SCHIP1: variants seen among roughly 807,000 people sequenced by gnomAD.
SCHIP1 encodes the protein schwannomin interacting protein 1, also known as schwannomin-interacting protein 1.
Under a neutral mutation model 29.7 loss-of-function variants are expected in SCHIP1, and 8 were observed. The ratio of observed to expected loss-of-function variants is 0.27; its 90% CI spans 0.16 to 0.49. The LOEUF is 0.49. Among genes scored for constraint, SCHIP1 ranks in the 20% least tolerant of loss-of-function variants. The pLI is 0.99. For missense variants in SCHIP1, 193 were observed against 294.6 expected (o/e 0.66, Z 2.52); for synonymous variants, 76 against 94.9 (o/e 0.80, Z 1.16).
chr3:159,501,245 G>GT, the SCHIP1 span, among the ~76,000 whole-genome samples: 4 of 152,148 alleles, frequency 2.6e-5, no homozygotes, highest in East Asian at 7.7e-4. Flanking sequence ...CAGCTTATTG[G>GT]TCCCCAGTTG....
chr3:159,687,932 AT>A, the SCHIP1 span, among the ~76,000 whole-genome samples: 1 of 152,178 alleles, frequency 6.6e-6, no homozygotes, highest in Non-Finnish European at 1.5e-5. Context: ...ACACGAACTC[AT>A]TCTTTTTTAT....
chr3:159,595,769 T>G, the SCHIP1 span, among the ~76,000 whole-genome samples: 1 of 152,168 alleles, frequency 6.6e-6, no homozygotes, highest in Non-Finnish European at 1.5e-5. Context: ...ACCATGAAAA[T>G]GCATGGCTTT....
the SCHIP1 span, among the ~76,000 whole-genome samples, chr3:159,829,294 A>G: frequency 1.3e-5 from 2 of 152,182 alleles, no homozygotes; most frequent in Non-Finnish European, 2.9e-5. Flanking sequence ...TTACATTTCA[A>G]ACTGTGTCTG....
the SCHIP1 span, among the ~76,000 whole-genome samples, chr3:159,608,508 A>C: frequency 6.6e-6 from 1 of 152,230 alleles, no homozygotes; most frequent in Non-Finnish European, 1.5e-5. Flanking sequence ...GTAATGTGTC[A>C]GACTGTGGCC....
the SCHIP1 span, among the ~76,000 whole-genome samples, chr3:159,609,029 G>C: frequency 6.6e-6 from 1 of 152,060 alleles, no homozygotes; most frequent in African/African-American, 2.4e-5. Context: ...TAATTTCTAG[G>C]GATTCAAAAT....
chr3:159,334,901 T>TTCTTC, the SCHIP1 span, among the ~76,000 whole-genome samples: 3 of 39,150 alleles, frequency 7.7e-5, no homozygotes, highest in African/African-American at 3.1e-4. Flanking sequence ...CTTCTTCTTC[T>TTCTTC]TTTTTTTTTT....
chr3:159,650,013 C>A, the SCHIP1 span, among the ~76,000 whole-genome samples: 11 of 152,192 alleles, frequency 7.2e-5, no homozygotes, highest in Non-Finnish European at 1.5e-4. Flanking sequence ...CATAGAACCA[C>A]ACACAAGCTT....
At chr3:159,610,278 T>TA in the SCHIP1 span, among the ~76,000 whole-genome samples, 1 of 152,238 alleles carries the variant, frequency 6.6e-6, no homozygotes, top group African/African-American at 2.4e-5. Flanking sequence ...GCAAACGATA[T>TA]AAAATACATT....
chr3:159,677,921 G>T, the SCHIP1 span, among the ~76,000 whole-genome samples: 9 of 152,004 alleles, frequency 5.9e-5, no homozygotes, highest in Non-Finnish European at 1.0e-4. Flanking sequence ...CTATAACCTC[G>T]AAGTCACGGC....
At chr3:159,325,637 T>C in the SCHIP1 span, among the ~76,000 whole-genome samples, 4 of 152,074 alleles carry the variant, frequency 2.6e-5, no homozygotes, top group African/African-American at 9.7e-5. Flanking sequence ...CTTTTTATAC[T>C]CATTATTTCT....
At chr3:159,468,143 G>T in the SCHIP1 span, among the ~76,000 whole-genome samples, 1 of 152,196 alleles carries the variant, frequency 6.6e-6, no homozygotes, top group East Asian at 1.9e-4. Flanking sequence ...TAGTAGGCTG[G>T]ATTTAATGAT....
the SCHIP1 span, among the ~76,000 whole-genome samples, chr3:159,462,230 T>A: frequency 1.3e-5 from 2 of 151,668 alleles, no homozygotes; most frequent in African/African-American, 4.8e-5. Context: ...AAATAAAAAA[T>A]AATAAAAATA....
the SCHIP1 span, among the ~76,000 whole-genome samples, chr3:159,389,634 G>A: frequency 1.3e-5 from 2 of 152,068 alleles, no homozygotes; most frequent in Admixed American, 6.6e-5. Context: ...CAATAATGTT[G>A]CAGTGCATTA....
chr3:159,596,814 G>A, the SCHIP1 span, among the ~76,000 whole-genome samples: 1 of 151,930 alleles, frequency 6.6e-6, no homozygotes, highest in South Asian at 2.1e-4. Context: ...GGGTGGAGGG[G>A]GGAGGGATAG....
the SCHIP1 span, among the ~76,000 whole-genome samples, chr3:159,497,257 A>G: frequency 6.6e-6 from 1 of 152,056 alleles, no homozygotes; most frequent in African/African-American, 2.4e-5. Flanking sequence ...ATAATAAAAA[A>G]AAAAGACTGA....
upstream of SCHIP1, among the ~76,000 whole-genome samples, chr3:159,839,389 C>A (rs1743990981): frequency 6.6e-6 from 1 of 151,170 alleles, no homozygotes; most frequent in Non-Finnish European, 1.5e-5. Context: ...AAACTTATAA[C>A]AGCAATTATT....
At chr3:159,584,427 C>G in the SCHIP1 span, among the ~76,000 whole-genome samples, 1 of 152,164 alleles carries the variant, frequency 6.6e-6, no homozygotes, top group South Asian at 2.1e-4. Flanking sequence ...TAACAAAGTA[C>G]TCCACAAATT....
At chr3:159,298,224 A>C in the SCHIP1 span, among the ~76,000 whole-genome samples, 2 of 152,088 alleles carry the variant, frequency 1.3e-5, no homozygotes, top group African/African-American at 4.8e-5. Context: ...AATTTGGAAT[A>C]TTTTTCTTCC....
the SCHIP1 span, among the ~76,000 whole-genome samples, chr3:159,685,573 T>C: frequency 6.6e-6 from 1 of 152,186 alleles, no homozygotes; most frequent in South Asian, 2.1e-4. Flanking sequence ...TCTACAACCC[T>C]TATAAGAAGA....
Sources: gnomAD v4.1 joint callset for allele counts (sites outside exome capture counted in the v4.1 genomes callset) on GRCh38, gnomAD v4.1.1 for gene constraint, MANE v1.5 for transcripts, NCBI Gene and HGNC (gene_info 2026-07-23, HGNC 2026-07-21) for gene names.